NCR3LG1: variants seen among roughly 807,000 people sequenced by gnomAD.
NCR3LG1 encodes the protein natural killer cell cytotoxicity receptor 3 ligand 1.
NCR3LG1 carries 35 observed loss-of-function variants against 34.8 expected under a neutral mutation model. The observed-to-expected ratio is 1.01, with a 90% CI of 0.77 to 1.33. NCR3LG1 has a LOEUF of 1.33. Ranked by LOEUF, NCR3LG1 falls within the 40% of genes most tolerant of loss-of-function variation. NCR3LG1 has a pLI of 0.00. For missense variants in NCR3LG1, 452 were observed against 423.3 expected (o/e 1.07, Z -0.60); for synonymous variants, 173 against 163.6 (o/e 1.06, Z -0.44).
downstream of NCR3LG1, among the ~76,000 whole-genome samples, chr11:17,379,572 A>T (rs990870947): frequency 6.6e-6 from 1 of 152,136 alleles, no homozygotes; most frequent in Non-Finnish European, 1.5e-5. Context: ...ACAGGTCGAG[A>T]CTAGCCTGCT....
rs575611492 is a variant in NCR3LG1 at position 17,371,511 on chromosome 11, A to G, written c.859-495A>G. Among the ~76,000 whole-genome samples the G allele has an allele frequency of 2.2e-4, 33 of 150,940 alleles. 1 individual carries two copies. The South Asian group carries it at 2.5e-3, about 11-fold the overall frequency. ...CCATTGGAGGGAGAACAGCCATTCA[A>G]TTTTTACATTCTTTTGAGGCATCTG... On this transcript the variant is annotated intron_variant, in intron 4 of 4. Transcript: ENST00000338965.
At chr11:17,363,888 TG>T (rs1418628979) in intron 2 of NCR3LG1, among the ~76,000 whole-genome samples, 4 of 152,086 alleles carry the variant, frequency 2.6e-5, no homozygotes, top group African/African-American at 4.8e-5. Flanking sequence ...TGAGCTACCA[TG>T]CTTGGCCATC....
rs924787391 is a variant in NCR3LG1, at chr11:17,374,346, T to C, written c.*1834T>C. On this transcript the variant is annotated 3_prime_UTR_variant, in exon 5 of 5. Coordinates refer to ENST00000338965, the MANE Select transcript of NCR3LG1 (RefSeq NM_001202439.3). ...CAAACCACCCAGTTAACCTGGACTG[T>C]ACTGCCTCAGGGATTTAGAGATAGC... is the stretch of plus-strand genomic sequence containing the variant. 6.6e-6 allele frequency: 1 copy of C among 152,230 alleles called. No homozygotes were observed. The highest frequency in any genetic ancestry group is 1.5e-5 in the Non-Finnish European group (1 of 68,050). The allele number at this position is 152,230 out of a possible 1,614,324, so 9.4% of individuals were successfully genotyped here. A position where few individuals can be genotyped will look rare whatever the true frequency, so the allele number is the denominator to read the frequency against.
chr11:17,353,538 C>T (rs1004335800), intron 1 of NCR3LG1, among the ~76,000 whole-genome samples: 1 of 152,254 alleles, frequency 6.6e-6, no homozygotes, highest in African/African-American at 2.4e-5. Flanking sequence ...CGGTCCCATG[C>T]CCGTCCCGCG....
chr11:17,366,491 G>A (rs1381270470), intron 2 of NCR3LG1, among the ~76,000 whole-genome samples: 1 of 151,974 alleles, frequency 6.6e-6, no homozygotes, highest in Non-Finnish European at 1.5e-5. Context: ...GATATGTCAT[G>A]GCCAGCTAAA....
At chr11:17,354,398 G>T (rs1158050311) in intron 1 of NCR3LG1, among the ~76,000 whole-genome samples, 1 of 152,156 alleles carries the variant, frequency 6.6e-6, no homozygotes, top group African/African-American at 2.4e-5. Flanking sequence ...AATAGACGAG[G>T]TTTCCCAAAT....
chr11:17,360,875 T>C (rs1370663821), intron 2 of NCR3LG1, among the ~76,000 whole-genome samples: 1 of 152,192 alleles, frequency 6.6e-6, no homozygotes, highest in African/African-American at 2.4e-5. Context: ...TAGCTTGTGC[T>C]ACAGGCTCGC....
chr11:17,358,206 T>C (rs1025859813), intron 2 of NCR3LG1, among the ~76,000 whole-genome samples: 1 of 152,200 alleles, frequency 6.6e-6, no homozygotes, highest in Non-Finnish European at 1.5e-5. Flanking sequence ...AAGTGTGTAA[T>C]TTATTCATAT....
At chr11:17,365,020 T>A (rs757914348) in intron 2 of NCR3LG1, among the ~76,000 whole-genome samples, 1 of 152,220 alleles carries the variant, frequency 6.6e-6, no homozygotes, top group Admixed American at 6.5e-5. Context: ...GCTCTTAACA[T>A]TTTAATTATA....
downstream of NCR3LG1, among the ~76,000 whole-genome samples, chr11:17,378,665 G>T (rs562321746): frequency 5.2e-4 from 79 of 152,266 alleles, no homozygotes; most frequent in Non-Finnish European, 1.0e-3. Flanking sequence ...AGCAGTTGGG[G>T]TCTCCACTCC....
rs761753789 is a variant in NCR3LG1 at position 17,356,858 on chromosome 11, C to T, written c.278C>T (p.Ala93Val). Reference sequence around the variant, plus strand: ...CACCAAGAGGCATTCCGACCTGGAGCCATTGTGTCTCCATGGAGGCTGAAG... The same window carrying T: ...CACCAAGAGGCATTCCGACCTGGAGTCATTGTGTCTCCATGGAGGCTGAAG... ...GDHQEAFRPG[A>V]IVSPWRLKSG... The change falls in exon 2 of 5, where the codon GCC (alanine) becomes GTC (valine). Residue 93 changes from alanine (A) to valine (V), a missense_variant. By Grantham distance (64) the Ala-to-Val change is moderately conservative (BLOSUM62 0). Transcript: ENST00000338965. 3.3e-4 allele frequency: 508 copies of T among 1,536,000 alleles called. 1 individual carries two copies. Among genetic ancestry groups the T allele is most frequent in the Non-Finnish European group, 4.4e-4 (499 of 1,146,860 alleles).
Position 17,374,505 on chromosome 11 carries a change from C to T in NCR3LG1, c.*1993C>T, listed in dbSNP as rs1953451941. On this transcript the variant is annotated 3_prime_UTR_variant, in exon 5 of 5. Transcript: ENST00000338965. The stretch of plus-strand genomic sequence containing the variant: ...GAAGTTTCTTGAGACGGCACTGAGG[C>T]TCTCCTTAATTTCCTAGCTGGAAAG... 6.6e-6 allele frequency: 1 copy of T among 152,192 alleles called. No homozygotes were observed. The highest frequency in any genetic ancestry group is 1.5e-5 in the Non-Finnish European group (1 of 68,044). The allele number at this position is 152,192 out of a possible 1,614,324, so 9.4% of individuals were successfully genotyped here. A position where few individuals can be genotyped will look rare whatever the true frequency, so the allele number is the denominator to read the frequency against.
chr11:17,364,218 A>G (rs1953319326), intron 2 of NCR3LG1, among the ~76,000 whole-genome samples: 1 of 151,730 alleles, frequency 6.6e-6, no homozygotes, highest in Admixed American at 6.6e-5. Context: ...TGTTTGTGAT[A>G]GGGTCTTGCT....
chr11:17,366,588 G>A (rs963111073), intron 2 of NCR3LG1, among the ~76,000 whole-genome samples: 1 of 152,198 alleles, frequency 6.6e-6, no homozygotes, highest in Non-Finnish European at 1.5e-5. Flanking sequence ...AAAGGTGTCT[G>A]TTTCACAACA....
Position 17,376,494 on chromosome 11 carries a change from G to A in NCR3LG1, c.*3982G>A, listed in dbSNP as rs559328651. ...ACAAATTGCTGGGTCTGTCCTGAGC[G>A]GTTTGCTCAGTTCAGTAACACTAAG... On this transcript the variant is annotated 3_prime_UTR_variant, in exon 5 of 5. Coordinates refer to ENST00000338965, the MANE Select transcript of NCR3LG1 (RefSeq NM_001202439.3). 6.6e-5 allele frequency: 10 copies of A among 152,272 alleles called. No homozygotes were observed. In the East Asian group the frequency reaches 9.6e-4, roughly 15 times the overall value. 9.4% of individuals were successfully genotyped at this position (152,272 alleles called of 1,614,324 possible).
rs1448501935 is a variant in NCR3LG1, at chr11:17,363,820, C to A, written c.422-3189C>A. ...TTATGTTGCCCAGGCTGGCCTCGAA[C>A]TCCTGAGCTCAAGTGATCCACCTGC... On this transcript the variant is annotated intron_variant, in intron 2 of 4. Transcript: ENST00000338965. Among the ~76,000 whole-genome samples the A allele has an allele frequency of 2.6e-5, 4 of 151,898 alleles. No individual in the cohort carries two copies. The East Asian group carries it at 7.8e-4, about 30-fold the overall frequency.
intron 3 of NCR3LG1, among the ~76,000 whole-genome samples, chr11:17,367,968 A>C (rs554830388): frequency 6.6e-6 from 1 of 151,808 alleles, no homozygotes; most frequent in Non-Finnish European, 1.5e-5. Context: ...ACAGGCATGC[A>C]CCACCACGCA....
rs757666147 is a variant in NCR3LG1, at chr11:17,372,160, C to A, written c.1013C>A (p.Pro338His). 5.7e-6 allele frequency: 4 copies of A among 702,980 alleles called. No homozygotes were observed. The highest frequency in any genetic ancestry group is 1.0e-5 in the Non-Finnish European group (4 of 385,000). 43.5% of individuals were successfully genotyped at this position (702,980 alleles called of 1,614,324 possible). A position where few individuals can be genotyped will look rare whatever the true frequency, so the allele number is the denominator to read the frequency against. Residue 338 changes from proline to histidine, a missense_variant, in exon 5 of 5, where the codon CCT becomes CAT. Coordinates refer to ENST00000338965, the MANE Select transcript of NCR3LG1 (RefSeq NM_001202439.3). ...SYQLQDGEAW[P>H]PEGSVNINTI... ...CAGCTGCAGGATGGGGAGGCTTGGC[C>A]TCCTGAGGGAAGTGTTAATATTAAT...
intron 1 of NCR3LG1, among the ~76,000 whole-genome samples, chr11:17,355,787 C>T (rs1205349887): frequency 6.6e-6 from 1 of 151,826 alleles, no homozygotes; most frequent in Non-Finnish European, 1.5e-5. Flanking sequence ...CATGTCTTTT[C>T]TTATTTATTT....
Sources: allele counts gnomAD v4.1 joint callset (sites outside exome capture counted in the v4.1 genomes callset), GRCh38; gene constraint gnomAD v4.1.1; transcripts MANE v1.5; gene names NCBI Gene and HGNC (gene_info 2026-07-23, HGNC 2026-07-21).